EVC: variants seen among roughly 807,000 people sequenced by gnomAD.
EVC encodes EvC ciliary complex subunit 1.
Under a neutral mutation model 118.9 loss-of-function variants are expected in EVC, and 116 were observed. That is an observed-to-expected ratio of 0.98 (90% confidence interval 0.84 to 1.14). EVC has a LOEUF of 1.14. Among genes scored for constraint, EVC ranks in the 50% most tolerant of loss-of-function variants. The probability of loss-of-function intolerance (pLI) is 0.00; values close to 1 mark genes in which losing one functional copy is unlikely to be tolerated. For missense variants in EVC, 1,401 were observed against 1,246.4 expected (o/e 1.12, Z -1.87); for synonymous variants, 619 against 534.7 (o/e 1.16, Z -2.18).
intron 3 of EVC, among the ~76,000 whole-genome samples, chr4:5,730,890 G>A (rs1364221072): frequency 6.8e-6 from 1 of 147,360 alleles, no homozygotes; most frequent in Non-Finnish European, 1.5e-5. Flanking sequence ...CCAGGCCCCA[G>A]GCTGTGACCT....
chr4:5,744,726 C>T (rs1207803621), intron 6 of EVC, among the ~76,000 whole-genome samples: 1 of 152,144 alleles, frequency 6.6e-6, no homozygotes, highest in African/African-American at 2.4e-5. Flanking sequence ...TGATATCACA[C>T]CAGAGCAATG....
intron 2 of EVC, among the ~76,000 whole-genome samples, chr4:5,721,587 G>C (rs575965732): frequency 1.3e-5 from 2 of 152,174 alleles, no homozygotes; most frequent in Admixed American, 1.3e-4. Flanking sequence ...TTGACGATAG[G>C]CTGGGCATGG....
chr4:5,822,500 G>T, the EVC span, among the ~76,000 whole-genome samples: 1 of 152,152 alleles, frequency 6.6e-6, no homozygotes, highest in Non-Finnish European at 1.5e-5. Context: ...TGAAGGGGGG[G>T]GGGGTGGTGT....
chr4:5,769,261 A>T (rs1282308807), intron 11 of EVC, among the ~76,000 whole-genome samples: 1 of 152,098 alleles, frequency 6.6e-6, no homozygotes, highest in Admixed American at 6.5e-5. Context: ...TCCTCTTTAT[A>T]AAACCATCAG....
intron 12 of EVC, among the ~76,000 whole-genome samples, chr4:5,784,603 T>C (rs576254890): frequency 6.8e-4 from 95 of 140,070 alleles, no homozygotes; most frequent in African/African-American, 2.2e-3. Context: ...ACAATACACA[T>C]TGATTTTTTT....
In EVC at chr4:5,809,509, G is replaced by A; in HGVS notation, c.2689-9G>A. 1 of 1,613,820 alleles carries A rather than the reference G, an allele frequency of 6.2e-7. No individual in the cohort carries two copies. On this transcript the variant is annotated splice_polypyrimidine_tract_variant and intron_variant, in intron 18 of 20. Coordinates refer to ENST00000264956, the MANE Select transcript of EVC (RefSeq NM_153717.3). ...CCCAGCTGAATGCTCCTCTCTGCTT[G>A]CATTTCAGGAAGCTGAACAGAACTT...
chr4:5,726,781 C>T (rs1725921128), intron 2 of EVC, among the ~76,000 whole-genome samples: 1 of 138,512 alleles, frequency 7.2e-6, no homozygotes, highest in Non-Finnish European at 1.5e-5. Context: ...TCCATGTGAT[C>T]TCATTGTTCA....
At chr4:5,735,642 A>G (rs971827350) in intron 5 of EVC, among the ~76,000 whole-genome samples, 2 of 152,168 alleles carry the variant, frequency 1.3e-5, no homozygotes, top group African/African-American at 2.4e-5. Context: ...GAAGCTTTAC[A>G]TGCCACTTCA....
rs1728746972 is a variant in EVC at position 5,742,473 on chromosome 4, C to G, written c.801+659C>G. Among the ~76,000 whole-genome samples, 1 of 152,092 alleles carries G rather than the reference C, an allele frequency of 6.6e-6. No homozygotes were observed. Among genetic ancestry groups the G allele is most frequent in the African/African-American group, 2.4e-5 (1 of 41,398 alleles). On this transcript the variant is annotated intron_variant, in intron 6 of 20. Transcript: ENST00000264956. This position sits in a 1 kb window ranked among gnomAD's most constrained non-coding sequence, Gnocchi z 5.2. ...TTATTTTGTATCACCATCACCACCA[C>G]TATTACTATCACAGTTCTCTTCTTC...
chr4:5,773,514 T>C (rs1292061258), intron 11 of EVC, among the ~76,000 whole-genome samples: 1 of 152,114 alleles, frequency 6.6e-6, no homozygotes, highest in Non-Finnish European at 1.5e-5. Flanking sequence ...CTGAACTCAG[T>C]GTAGCAGAGG....
intron 11 of EVC, among the ~76,000 whole-genome samples, chr4:5,764,958 T>A (rs1229763447): frequency 7.3e-6 from 1 of 136,296 alleles, no homozygotes; most frequent in East Asian, 2.2e-4. Context: ...TTGAATGTGT[T>A]TGCTCTTGCT....
intron 2 of EVC, among the ~76,000 whole-genome samples, chr4:5,726,978 A>C (rs948524053): frequency 3.3e-5 from 5 of 152,142 alleles, no homozygotes; most frequent in South Asian, 2.1e-4. Context: ...TCATTGTTGG[A>C]CATTTGGGTT....
chr4:5,736,969 A>C (rs1296250888), intron 5 of EVC, among the ~76,000 whole-genome samples: 1 of 152,236 alleles, frequency 6.6e-6, no homozygotes, highest in East Asian at 1.9e-4. Flanking sequence ...GGCAGGTCTA[A>C]AGCTGAGATA....
At chr4:5,745,365 G>GT in intron 7 of EVC, 24 bp downstream of exon 7, 9 of 1,607,216 alleles carry the variant, frequency 5.6e-6, no homozygotes, top group Non-Finnish European at 7.6e-6. Context: ...TTTCTTTCCT[G>GT]TACACAAATT....
At position 5,749,513 on chromosome 4, in the gene EVC, C is replaced by T. The variant is rs185630410; in HGVS notation, c.1098+1207C>T. ...GAGCTGTGTGATCTTGAACACATTA[C>T]TTAACCTCTCTGCGCGTCTGTTCCT... is the stretch of plus-strand genomic sequence containing the variant. On this transcript the variant is annotated intron_variant, in intron 8 of 20. Transcript: ENST00000264956. The surrounding 1 kb of genome is among the most constrained non-coding windows in gnomAD (Gnocchi z 4.4). 3.4e-3 allele frequency among the ~76,000 whole-genome samples: 515 copies of T among 152,252 alleles called. 4 individuals carry two copies. Among genetic ancestry groups the T allele is most frequent in the Non-Finnish European group, 5.8e-3 (394 of 68,022 alleles).
At chr4:5,782,002 G>C (rs553017703) in intron 11 of EVC, among the ~76,000 whole-genome samples, 64 of 152,308 alleles carry the variant, frequency 4.2e-4, no homozygotes, top group African/African-American at 1.5e-3. Flanking sequence ...CTGAGGCTGA[G>C]AGGGAGGGAA....
chr4:5,819,226 C>T (rs1021477526), downstream of EVC, among the ~76,000 whole-genome samples: 3 of 152,096 alleles, frequency 2.0e-5, no homozygotes, highest in Non-Finnish European at 4.4e-5. Context: ...GGCAGAATAA[C>T]GCTCCCCGTC....
At chr4:5,757,409 G>A (rs1011700460) in intron 11 of EVC, among the ~76,000 whole-genome samples, 1 of 152,226 alleles carries the variant, frequency 6.6e-6, no homozygotes, top group African/African-American at 2.4e-5. Context: ...TCCTCACCCG[G>A]ATGGGAGCTG....
chr4:5,776,324 CT>C (rs1484435396), intron 11 of EVC, among the ~76,000 whole-genome samples: 2 of 152,040 alleles, frequency 1.3e-5, no homozygotes, highest in Non-Finnish European at 2.9e-5. Context: ...ACTATTTTAT[CT>C]GCTATTCATG....
Sources: gnomAD v4.1 joint callset for allele counts (sites outside exome capture counted in the v4.1 genomes callset) on GRCh38, gnomAD v4.1.1 for gene constraint, Gnocchi (gnomAD v3.1) non-coding constraint, MANE v1.5 for transcripts, NCBI Gene and HGNC (gene_info 2026-07-23, HGNC 2026-07-21) for gene names.